The following ZFP90 variants were observed in gnomAD, a reference collection of about 807,000 sequenced individuals.
The protein encoded by ZFP90 is zinc finger protein 90 homolog.
Under a neutral mutation model 60.8 loss-of-function variants are expected in ZFP90, and 38 were observed. The ratio of observed to expected loss-of-function variants is 0.62; its 90% confidence interval spans 0.48 to 0.82. ZFP90 has a LOEUF of 0.82. Ranked by LOEUF, ZFP90 falls within the 40% of genes least tolerant of loss-of-function variation. The pLI, the probability that ZFP90 is intolerant of heterozygous loss-of-function variation, is 0.00. For missense variants in ZFP90, 711 were observed against 759.1 expected (o/e 0.94, Z 0.74); for synonymous variants, 287 against 264.8 (o/e 1.08, Z -0.82).
Position 68,563,519 on chromosome 16 carries a change from T to G in ZFP90, c.732T>G (p.Asp244Glu). 1.9e-6 allele frequency: 3 copies of G among 1,614,168 alleles called. No individual in the cohort carries two copies. Among genetic ancestry groups the G allele is most frequent in the Non-Finnish European group, 2.5e-6 (3 of 1,180,028 alleles). ...KGEGAFPNGT[D>E]QGIYPGKKHH... Reference sequence around the variant, plus strand: ...AGGGAGCTTTCCCTAATGGAACAGATCAAGGAATTTATCCTGGAAAGAAAC... The same window carrying G: ...AGGGAGCTTTCCCTAATGGAACAGAGCAAGGAATTTATCCTGGAAAGAAAC... Residue 244 changes from aspartate (D) to glutamate (E), a missense_variant, in exon 5 of 5, where the codon GAT (aspartate) becomes GAG (glutamate). Asp to Glu is a conservative substitution (Grantham distance 45, BLOSUM62 2). This residue lies in a region of ZFP90 where 241 missense variants were observed against 247.6 expected (regional missense o/e 0.97). Transcript: ENST00000563169.
chr16:68,576,441 A>T (rs1338455148), downstream of ZFP90, among the ~76,000 whole-genome samples: 3 of 152,212 alleles, frequency 2.0e-5, no homozygotes, highest in Non-Finnish European at 4.4e-5. Flanking sequence ...AGATGTCTGT[A>T]AGGAGCTTTG....
At chr16:68,574,226 G>GGAA (rs2091581841) in intron 2 of ZFP90, 1 of 54,586 alleles carries the variant, frequency 1.8e-5, no homozygotes, top group Admixed American at 2.9e-4. Context: ...TCCTTTTTCT[G>GGAA]AAAAAAAAAA....
chr16:68,566,956 A>G lies in ZFP90; in HGVS notation c.*2258A>G. ...CAGCCACCACTCTGAAACTCAGCAC[A>G]TCTTCATTGACAGGGAGGGAGCCCA... On this transcript the variant is annotated 3_prime_UTR_variant, in exon 5 of 5. Coordinates refer to ENST00000563169, the MANE Select transcript of ZFP90 (RefSeq NM_001305203.2). The G allele has an allele frequency of 1.0e-6, 1 of 985,616 alleles. No individual in the cohort carries two copies. The highest frequency in any genetic ancestry group is 1.2e-6 in the Non-Finnish European group (1 of 829,958). The allele number at this position is 985,616 out of a possible 1,614,324, so 61.1% of individuals were successfully genotyped here. A position where few individuals can be genotyped will look rare whatever the true frequency, so the allele number is the denominator to read the frequency against.
intron 2 of ZFP90, among the ~76,000 whole-genome samples, chr16:68,544,864 CTTTTTTTTTTTTTTTTTTT>C (rs71148911): frequency 9.5e-4 from 63 of 66,566 alleles, no homozygotes; most frequent in Non-Finnish European, 1.4e-3. Context: ...CTGTGAACAC[CTTTTTTTTTTTTTTTTTTT>C]TTTTTTTTTT....
Position 68,564,735 on chromosome 16 carries a change from C to T in ZFP90, c.*37C>T, listed in dbSNP as rs1232276411. 2 of 1,555,488 alleles carry T rather than the reference C, an allele frequency of 1.3e-6. No individual in the cohort carries two copies. The highest frequency in any genetic ancestry group is 1.7e-6 in the Non-Finnish European group (2 of 1,156,398). Reference sequence around the variant, plus strand: ...TTAAGGAATTTGCAGAATGCTTTAGCTAAAATGTTCTGATTCAGGATCAGA... The same window carrying T: ...TTAAGGAATTTGCAGAATGCTTTAGTTAAAATGTTCTGATTCAGGATCAGA... On this transcript the variant is annotated 3_prime_UTR_variant, in exon 5 of 5. Transcript: ENST00000563169.
Position 68,539,835 on chromosome 16 carries a change from G to A in ZFP90, c.33+10G>A, listed in dbSNP as rs2091006734. The A allele has an allele frequency of 1.2e-6, 2 of 1,606,512 alleles. No homozygotes were observed. Among genetic ancestry groups the A allele is most frequent in the Non-Finnish European group, 1.7e-6 (2 of 1,178,034 alleles). On this transcript the variant is annotated intron_variant, in intron 2 of 4. Coordinates refer to ENST00000563169, the MANE Select transcript of ZFP90 (RefSeq NM_001305203.2). ...GACCGCCGCGCCCCAGGTGAGCAAC[G>A]CGTTCCTAACCTCCTGGGCATCCCA...
intron 2 of ZFP90, among the ~76,000 whole-genome samples, chr16:68,544,912 C>T (rs1351048071): frequency 2.7e-5 from 3 of 109,896 alleles, no homozygotes; most frequent in East Asian, 3.1e-4. Context: ...GAGATGGAGT[C>T]TCATTCTGTT....
chr16:68,547,682 A>G (rs2091173964), intron 2 of ZFP90, among the ~76,000 whole-genome samples: 1 of 152,128 alleles, frequency 6.6e-6, no homozygotes, highest in South Asian at 2.1e-4. Context: ...TAATGACTAT[A>G]TTATATTGCT....
intron 2 of ZFP90, chr16:68,557,202 G>T (rs1477410369): frequency 2.2e-6 from 1 of 455,110 alleles, no homozygotes; most frequent in African/African-American, 2.0e-5. Flanking sequence ...TGCCTAGGAT[G>T]GTCTCAAACT....
At chr16:68,561,751 C>G (rs1191778962) in intron 4 of ZFP90, among the ~76,000 whole-genome samples, 2 of 152,038 alleles carry the variant, frequency 1.3e-5, no homozygotes, top group African/African-American at 4.8e-5. Flanking sequence ...GCATTTTTTG[C>G]ATGTCCCACT....
rs1367301375 is a variant in ZFP90, at chr16:68,566,810, A to T, written c.*2112A>T. The T allele has an allele frequency of 1.0e-6, 1 of 985,486 alleles. No homozygotes were observed. The highest frequency in any genetic ancestry group is 1.1e-4 in the East Asian group (1 of 8,964). The allele number at this position is 985,486 out of a possible 1,614,324, so 61.0% of individuals were successfully genotyped here. ...GGGATCCCCATAGTGGACTACTTTCAGGAATGGCATGAATTGTAACCAACT... is the reference window on the plus strand; with the variant it reads ...GGGATCCCCATAGTGGACTACTTTCTGGAATGGCATGAATTGTAACCAACT... On this transcript the variant is annotated 3_prime_UTR_variant, in exon 5 of 5. Transcript: ENST00000563169.
chr16:68,558,318 T>A, intron 3 of ZFP90, 155 bp from the exon 4 acceptor site: 1 of 1,119,930 alleles, frequency 8.9e-7, no homozygotes, highest in Non-Finnish European at 1.3e-6. Flanking sequence ...TTTGCAAAAC[T>A]GGAAATAGGC....
chr16:68,536,391 A>C (rs546646896), upstream of ZFP90, among the ~76,000 whole-genome samples: 1 of 151,476 alleles, frequency 6.6e-6, no homozygotes, highest in Non-Finnish European at 1.5e-5. Flanking sequence ...TGCATCCTCA[A>C]CCTCCCCTAG....
At chr16:68,569,556 A>G (rs888486539), downstream of ZFP90, among the ~76,000 whole-genome samples, 2 of 152,176 alleles carry the variant, frequency 1.3e-5, no homozygotes, top group Non-Finnish European at 2.9e-5. Flanking sequence ...CACTTCGCCC[A>G]GTCCTCACTC....
At chr16:68,558,413 A>C in intron 3 of ZFP90, 60 bp from the exon 4 acceptor site, 1 of 1,490,958 alleles carries the variant, frequency 6.7e-7, no homozygotes, top group Non-Finnish European at 9.3e-7. Context: ...ACTTGTCCTT[A>C]GGAGGGTTCT....
chr16:68,554,506 G>T (rs1255693534), intron 2 of ZFP90, among the ~76,000 whole-genome samples: 3 of 152,180 alleles, frequency 2.0e-5, no homozygotes, highest in African/African-American at 7.2e-5. Context: ...GTGCCCAGGG[G>T]AGAAAAAGGG....
chr16:68,563,239 C>T lies in ZFP90; in HGVS notation c.452C>T (p.Pro151Leu). The T allele has an allele frequency of 6.2e-7, 1 of 1,613,406 alleles. No individual in the cohort carries two copies. The highest frequency in any genetic ancestry group is 8.5e-7 in the Non-Finnish European group (1 of 1,179,784). ...EASTQKKIIT[P>L]QENFEQNKFG... ...TCCACCCAGAAGAAAATAATTACACCACAAGAAAATTTTGAGCAAAATAAA... is the reference window on the plus strand; with the variant it reads ...TCCACCCAGAAGAAAATAATTACACTACAAGAAAATTTTGAGCAAAATAAA... The change falls in exon 5 of 5, where the codon CCA becomes CTA. Residue 151 changes from proline to leucine, a missense_variant. Coordinates refer to ENST00000563169, the MANE Select transcript of ZFP90 (RefSeq NM_001305203.2).
intron 2 of ZFP90, among the ~76,000 whole-genome samples, chr16:68,543,367 T>C (rs1567395150): frequency 6.6e-6 from 1 of 152,124 alleles, no homozygotes; most frequent in Non-Finnish European, 1.5e-5. Flanking sequence ...GAGAGGTGTT[T>C]TGATGAGTGG....
intron 2 of ZFP90, among the ~76,000 whole-genome samples, chr16:68,549,980 G>A (rs1429837798): frequency 6.6e-6 from 1 of 152,190 alleles, no homozygotes; most frequent in Non-Finnish European, 1.5e-5. Flanking sequence ...GTATATGACA[G>A]GAGGCAGCAT....
Sources: gnomAD v4.1 joint callset for allele counts (sites outside exome capture counted in the v4.1 genomes callset) on GRCh38, gnomAD v4.1.1 for gene constraint, gnomAD v4.1.1 regional missense constraint, MANE v1.5 for transcripts, NCBI Gene and HGNC (gene_info 2026-07-23, HGNC 2026-07-21) for gene names.